The following SNTB1 variants were observed in gnomAD, a reference collection of about 807,000 sequenced individuals.
SNTB1 encodes syntrophin beta 1, also known as beta-1-syntrophin.
Under a neutral mutation model 48.9 loss-of-function variants are expected in SNTB1, and 36 were observed. That is an observed-to-expected ratio of 0.74 (90% CI 0.56 to 0.97). The LOEUF (loss-of-function observed/expected upper bound fraction) is 0.97. SNTB1 is among the 50% of genes least tolerant of loss of function. The pLI is 0.00. For missense variants in SNTB1, 786 were observed against 703.4 expected, an observed-to-expected ratio of 1.12 and a Z score of -1.33; for synonymous variants, 299 against 294.6, an observed-to-expected ratio of 1.01 and a Z score of -0.15.
intron 3 of SNTB1, among the ~76,000 whole-genome samples, chr8:120,620,650 C>T (rs1176165233): frequency 6.7e-6 from 1 of 148,210 alleles, no homozygotes; most frequent in African/African-American, 2.5e-5. Flanking sequence ...ACAACTCCCC[C>T]CACCCCCACC....
chr8:120,549,056 T>C, intron 4 of SNTB1, 98 bp from the exon 5 acceptor site: 1 of 981,250 alleles, frequency 1.0e-6, no homozygotes, highest in Non-Finnish European at 1.5e-6. Flanking sequence ...TCTGCTCTCA[T>C]TTTTCTGGTC....
intron 3 of SNTB1, among the ~76,000 whole-genome samples, chr8:120,614,272 A>C (rs943615986): frequency 6.6e-6 from 1 of 152,220 alleles, no homozygotes; most frequent in Non-Finnish European, 1.5e-5. Flanking sequence ...TAAAACAGCT[A>C]TCCTTAGTAG....
intron 4 of SNTB1, among the ~76,000 whole-genome samples, chr8:120,555,476 C>T (rs1265499346): frequency 6.6e-6 from 1 of 152,158 alleles, no homozygotes; most frequent in African/African-American, 2.4e-5. Flanking sequence ...GCCATCTTGT[C>T]TGCTTCTTGC....
At chr8:120,682,916 C>T (rs963282206) in intron 2 of SNTB1, among the ~76,000 whole-genome samples, 1 of 134,958 alleles carries the variant, frequency 7.4e-6, no homozygotes, top group African/African-American at 2.9e-5. Flanking sequence ...GGGACTCGCT[C>T]TTTCGCCCAG....
chr8:120,562,900 GA>G, intron 4 of SNTB1, among the ~76,000 whole-genome samples: 1 of 152,086 alleles, frequency 6.6e-6, no homozygotes, highest in South Asian at 2.1e-4. Context: ...AAAAGAAAAA[GA>G]AAAAGAAACG....
intron 1 of SNTB1, among the ~76,000 whole-genome samples, chr8:120,700,618 A>G (rs920696685): frequency 6.6e-6 from 1 of 152,218 alleles, no homozygotes; most frequent in Non-Finnish European, 1.5e-5. Flanking sequence ...TCAAACCAAT[A>G]ATCCACCAAG....
At chr8:120,659,032 T>G (rs1385302294) in intron 2 of SNTB1, among the ~76,000 whole-genome samples, 5 of 151,994 alleles carry the variant, frequency 3.3e-5, no homozygotes, top group Non-Finnish European at 7.4e-5. Context: ...GGCCCTATCT[T>G]GGCTCACTGC....
At chr8:120,592,721 T>C (rs1202022607) in intron 3 of SNTB1, among the ~76,000 whole-genome samples, 1 of 152,060 alleles carries the variant, frequency 6.6e-6, no homozygotes, top group Non-Finnish European at 1.5e-5. Context: ...TAAAGAAATA[T>C]ATCATAAATG....
chr8:120,568,783 A>C (rs528288135), intron 4 of SNTB1, among the ~76,000 whole-genome samples: 1 of 152,242 alleles, frequency 6.6e-6, no homozygotes, highest in Non-Finnish European at 1.5e-5. Context: ...AGACCAGGGC[A>C]ATCCTTACAG....
chr8:120,767,178 G>A (rs76211323), intron 1 of SNTB1, among the ~76,000 whole-genome samples: 6,696 of 151,946 alleles, frequency 0.044, 508 homozygotes, highest in African/African-American at 0.15. Flanking sequence ...TAATTCTCTC[G>A]TAAGAACCTT....
At chr8:120,665,143 A>G (rs1817653465) in intron 2 of SNTB1, among the ~76,000 whole-genome samples, 1 of 152,174 alleles carries the variant, frequency 6.6e-6, no homozygotes, top group Non-Finnish European at 1.5e-5. Flanking sequence ...GTATAAATTT[A>G]GAGATTTTTT....
At chr8:120,648,494 C>T (rs1373955334) in intron 2 of SNTB1, among the ~76,000 whole-genome samples, 1 of 151,620 alleles carries the variant, frequency 6.6e-6, no homozygotes, top group African/African-American at 2.4e-5. Flanking sequence ...GAATATTGGC[C>T]CCCACTCTCT....
At chr8:120,595,352 T>G (rs1411601824) in intron 3 of SNTB1, among the ~76,000 whole-genome samples, 1 of 152,116 alleles carries the variant, frequency 6.6e-6, no homozygotes, top group African/African-American at 2.4e-5. Flanking sequence ...AAAACCAAGG[T>G]GGCAACAAGA....
At chr8:120,660,095 T>C (rs1563844423) in intron 2 of SNTB1, among the ~76,000 whole-genome samples, 1 of 152,208 alleles carries the variant, frequency 6.6e-6, no homozygotes, top group Non-Finnish European at 1.5e-5. Flanking sequence ...CATAATATCT[T>C]GTGGTCCTAG....
At position 120,581,018 on chromosome 8, in the gene SNTB1, G is replaced by T. The variant is rs963939377; in HGVS notation, c.997-5793C>A. ...GCCTGAGACTCATTTTAATCCAGGA[G>T]GTGGAGGTCACAGTGAGCTGAGATT... is the stretch of plus-strand genomic sequence containing the variant. On this transcript the variant is annotated intron_variant, in intron 3 of 6. Transcript: ENST00000517992. Among the ~76,000 whole-genome samples the T allele has an allele frequency of 3.3e-4, 50 of 151,216 alleles. 1 individual carries two copies. The highest frequency in any genetic ancestry group is 3.3e-3 in the Admixed American group (50 of 15,162).
At chr8:120,577,806 T>G (rs1815975570) in intron 3 of SNTB1, among the ~76,000 whole-genome samples, 1 of 152,222 alleles carries the variant, frequency 6.6e-6, no homozygotes, top group Non-Finnish European at 1.5e-5. Flanking sequence ...AAGTGGTATA[T>G]GTAGGTTTAA....
intron 3 of SNTB1, 96 bp from the exon 4 acceptor site, chr8:120,575,321 T>C (rs1815934051): frequency 9.4e-6 from 13 of 1,388,334 alleles, no homozygotes; most frequent in South Asian, 2.5e-5. Flanking sequence ...CAGCAATACA[T>C]TGAGTGTCTT....
At chr8:120,548,487 A>G (rs1047046452) in intron 5 of SNTB1, among the ~76,000 whole-genome samples, 6 of 152,206 alleles carry the variant, frequency 3.9e-5, no homozygotes, top group Admixed American at 2.6e-4. Flanking sequence ...TTCCTCCAGG[A>G]AGCCACCCAG....
chr8:120,722,892 T>G (rs1185132367), intron 1 of SNTB1, among the ~76,000 whole-genome samples: 18 of 152,234 alleles, frequency 1.2e-4, no homozygotes, highest in Admixed American at 1.2e-3. Context: ...CATTTAAGTC[T>G]TTAATCCATC....
Sources: gnomAD v4.1 joint callset for allele counts (sites outside exome capture counted in the v4.1 genomes callset) on GRCh38, gnomAD v4.1.1 for gene constraint, MANE v1.5 for transcripts, NCBI Gene and HGNC (gene_info 2026-07-23, HGNC 2026-07-21) for gene names.